MARF1: variants seen among roughly 807,000 people sequenced by gnomAD.
MARF1 encodes limkain-b1.
In MARF1, 24 loss-of-function variants were observed where a neutral mutation model predicts 168.2. The ratio of observed to expected loss-of-function variants is 0.14; its 90% CI spans 0.10 to 0.20. MARF1 has a LOEUF of 0.20. Ranked by LOEUF, MARF1 falls within the 10% of genes least tolerant of loss-of-function variation. The pLI, the probability that MARF1 is intolerant of heterozygous loss-of-function variation, is 1.00. For missense variants in MARF1, 1,744 were observed against 2,143.6 expected (o/e 0.81, Z 3.68); for synonymous variants, 868 against 822.4 (o/e 1.06, Z -0.95).
At chr16:15,631,272 G>A (rs1294012777) in intron 6 of MARF1, 109 bp downstream of exon 6, 2 of 726,790 alleles carry the variant, frequency 2.8e-6, no homozygotes, top group Non-Finnish European at 4.8e-6. Flanking sequence ...CATGTCTCAT[G>A]TACTTCAGCC....
At position 15,595,908 on chromosome 16, in the gene MARF1, C is replaced by A. The variant is rs1198513327; in HGVS notation, c.*785G>T. ...AATAATGTGTGTTGTAATCCAAATG[C>A]TGACTTTAAATCCATGACATCGAGA... On this transcript the variant is annotated 3_prime_UTR_variant, in exon 27 of 27. Transcript: ENST00000396368. 1 of 152,320 alleles carries A rather than the reference C, an allele frequency of 6.6e-6. No individual in the cohort carries two copies. The highest frequency in any genetic ancestry group is 1.5e-5 in the Non-Finnish European group (1 of 68,048). The allele number at this position is 152,320 out of a possible 1,614,324, so 9.4% of individuals were successfully genotyped here. A position where few individuals can be genotyped will look rare whatever the true frequency, so the allele number is the denominator to read the frequency against.
At position 15,616,990 on chromosome 16, in the gene MARF1, C is replaced by A. The variant is rs1567555769; in HGVS notation, c.3077+62G>T. Reference sequence around the variant, plus strand: ...TGTAAAGAGATGTGGGCAGAAAGGGCAGGCTTCCTATAAAAAGCAGAACTA... The same window carrying A: ...TGTAAAGAGATGTGGGCAGAAAGGGAAGGCTTCCTATAAAAAGCAGAACTA... On this transcript the variant is annotated intron_variant, in intron 15 of 26. Transcript: ENST00000396368. 13 of 1,564,828 alleles carry A rather than the reference C, an allele frequency of 8.3e-6. No homozygotes were observed. In the East Asian group the frequency reaches 2.7e-4, roughly 32 times the overall value.
intron 11 of MARF1, 76 bp downstream of exon 11, chr16:15,622,858 A>C: frequency 1.7e-6 from 2 of 1,206,738 alleles, no homozygotes; most frequent in Non-Finnish European, 2.3e-6. Flanking sequence ...GTGGTTATGT[A>C]TATCAAATTA....
intron 13 of MARF1, among the ~76,000 whole-genome samples, chr16:15,620,202 C>A (rs577006280): frequency 4.5e-4 from 68 of 152,030 alleles, no homozygotes; most frequent in African/African-American, 1.6e-3. Context: ...ACAAAAAAAA[C>A]AAACTAAAGC....
chr16:15,630,870 C>T (rs1475619682), intron 6 of MARF1, among the ~76,000 whole-genome samples: 1 of 151,406 alleles, frequency 6.6e-6, no homozygotes, highest in Non-Finnish European at 1.5e-5. Flanking sequence ...GTGGTTCACG[C>T]CTGTAATCCC....
chr16:15,600,602 G>A (rs776004274), intron 24 of MARF1, 39 bp downstream of exon 24: 19 of 1,614,016 alleles, frequency 1.2e-5, no homozygotes, highest in Middle Eastern at 1.6e-4. Context: ...TGAGAGAACC[G>A]TGATTTTTTA....
At chr16:15,598,797 T>C in intron 26 of MARF1, 57 bp downstream of exon 26, 1 of 1,517,954 alleles carries the variant, frequency 6.6e-7, no homozygotes, top group Non-Finnish European at 9.1e-7. Flanking sequence ...CAGTATCTCA[T>C]CGTGGTTTTG....
At chr16:15,624,987 C>T (rs760861944) in intron 9 of MARF1, 29 bp downstream of exon 9, 1 of 1,613,448 alleles carries the variant, frequency 6.2e-7, no homozygotes, top group Non-Finnish European at 8.5e-7. Flanking sequence ...ATTCAAGAAG[C>T]AGCTATGAGA....
At chr16:15,614,852 T>A (rs917114044) in intron 16 of MARF1, among the ~76,000 whole-genome samples, 2 of 152,070 alleles carry the variant, frequency 1.3e-5, no homozygotes, top group Non-Finnish European at 2.9e-5. Context: ...TGGCTTGATC[T>A]TAGCTCACCA....
intron 16 of MARF1, among the ~76,000 whole-genome samples, chr16:15,614,407 G>A (rs1022964737): frequency 9.2e-5 from 13 of 140,948 alleles, no homozygotes; most frequent in East Asian, 4.3e-4. Context: ...GGTATGAACC[G>A]AGGAGGCGGA....
At chr16:15,631,765 G>C (rs1009814776) in intron 5 of MARF1, among the ~76,000 whole-genome samples, 5 of 151,918 alleles carry the variant, frequency 3.3e-5, no homozygotes, top group African/African-American at 1.2e-4. Context: ...CCGACAGACA[G>C]ACCCCAGTGT....
chr16:15,637,491 A>G lies in MARF1; in HGVS notation c.145-1149T>C, dbSNP rs1052524300. Among the ~76,000 whole-genome samples the G allele has an allele frequency of 5.3e-5, 8 of 152,360 alleles. No individual in the cohort carries two copies. The East Asian group carries it at 1.3e-3, about 26-fold the overall frequency. Reference sequence around the variant, plus strand: ...AAAGGGAGATAACAGCAACGGGCTGACCAGCCAATGAACTGCCCTCTTGGT... The same window carrying G: ...AAAGGGAGATAACAGCAACGGGCTGGCCAGCCAATGAACTGCCCTCTTGGT... On this transcript the variant is annotated intron_variant, in intron 2 of 26. Coordinates refer to ENST00000396368, the MANE Select transcript of MARF1 (RefSeq NM_014647.4).
Position 15,610,080 on chromosome 16 carries a change from A to T in MARF1, c.3752-355T>A, listed in dbSNP as rs182139033. Reference sequence around the variant, plus strand: ...GTCCCTGTACTTAAGCAAGTACTCTAGAAATTATTCCCATGAAATCACGCT... The same window carrying T: ...GTCCCTGTACTTAAGCAAGTACTCTTGAAATTATTCCCATGAAATCACGCT... On this transcript the variant is annotated intron_variant, in intron 19 of 26. Transcript: ENST00000396368. Among the ~76,000 whole-genome samples the T allele has an allele frequency of 2.2e-4, 34 of 152,324 alleles. 1 individual carries two copies. The East Asian group carries it at 6.2e-3, about 28-fold the overall frequency.
At chr16:15,635,173 G>A in intron 3 of MARF1, 1 of 474,094 alleles carries the variant, frequency 2.1e-6, no homozygotes, top group East Asian at 3.2e-5. Flanking sequence ...TTACATTCTG[G>A]GGCATGAGTC....
At chr16:15,611,184 C>G in intron 18 of MARF1, 76 bp from the exon 19 acceptor site, 2 of 1,450,642 alleles carry the variant, frequency 1.4e-6, no homozygotes, top group South Asian at 1.2e-5. Context: ...TCCGGCCGGG[C>G]GCTGGGGCTC....
At chr16:15,608,199 G>T in intron 21 of MARF1, 92 bp downstream of exon 21, 4 of 783,844 alleles carry the variant, frequency 5.1e-6, no homozygotes, top group South Asian at 1.8e-5. Flanking sequence ...ATAAAGAAAC[G>T]CTACAGCACA....
Position 15,619,930 on chromosome 16 carries a change from A to G in MARF1, c.2720+521T>C, listed in dbSNP as rs558909312. ...TGTAATCCTAGCACTTTGGGAGGCT[A>G]AAGTGGGCAGATCACTTGAGGTCAG... is the stretch of plus-strand genomic sequence containing the variant. On this transcript the variant is annotated intron_variant, in intron 13 of 26. Coordinates refer to ENST00000396368, the MANE Select transcript of MARF1 (RefSeq NM_014647.4). Among the ~76,000 whole-genome samples the G allele has an allele frequency of 5.9e-5, 9 of 152,328 alleles. No individual in the cohort carries two copies. In the East Asian group the frequency reaches 1.7e-3, roughly 29 times the overall value.
chr16:15,635,018 C>G, intron 3 of MARF1, 87 bp from the exon 4 acceptor site: 2 of 1,174,544 alleles, frequency 1.7e-6, no homozygotes, highest in Non-Finnish European at 2.4e-6. Context: ...AAAATACACT[C>G]TAAGTGTTTT....
chr16:15,627,781 T>C (rs891193523), intron 7 of MARF1, among the ~76,000 whole-genome samples: 1 of 152,158 alleles, frequency 6.6e-6, no homozygotes, highest in African/African-American at 2.4e-5. Context: ...CAAACAACGA[T>C]AATCATAAAA....
Sources: gnomAD v4.1 joint callset for allele counts (sites outside exome capture counted in the v4.1 genomes callset) on GRCh38, gnomAD v4.1.1 for gene constraint, MANE v1.5 for transcripts, NCBI Gene and HGNC (gene_info 2026-07-23, HGNC 2026-07-21) for gene names.